Variants in HYCC1 observed in about 807,000 individuals in gnomAD.
HYCC1 encodes hyccin.
the HYCC1 span, among the ~76,000 whole-genome samples, chr7:23,002,177 C>CACAATTATATATATATAT: frequency 0.014 from 953 of 66,940 alleles, 30 homozygotes; most frequent in African/African-American, 0.041. Context: ...TATATATATA[C>CACAATTATATATATATAT]ATATAGTTTG....
chr7:22,989,298 ACACACACACACACAC>A, the HYCC1 span, among the ~76,000 whole-genome samples: 1 of 31,804 alleles, frequency 3.1e-5, no homozygotes, highest in African/African-American at 7.2e-5. Context: ...ACACACACAC[ACACACACACACACAC>A]ACACACACAC....
chr7:22,924,324 G>A, the HYCC1 span, among the ~76,000 whole-genome samples: 43 of 152,216 alleles, frequency 2.8e-4, no homozygotes, highest in African/African-American at 7.0e-4. Context: ...GGGGAGTGCC[G>A]GACAGTGGGT....
At chr7:22,989,641 A>T in the HYCC1 span, among the ~76,000 whole-genome samples, 47 of 152,224 alleles carry the variant, frequency 3.1e-4, no homozygotes, top group South Asian at 2.5e-3. Flanking sequence ...TACAGGCATA[A>T]GCCACCTCAT....
the HYCC1 span, among the ~76,000 whole-genome samples, chr7:22,931,255 GAAAAAAA>G: frequency 9.6e-6 from 1 of 103,816 alleles, no homozygotes; most frequent in Non-Finnish European, 2.0e-5. Flanking sequence ...CAAAAAAAAA[GAAAAAAA>G]AAAAAAAAAA....
the HYCC1 span, among the ~76,000 whole-genome samples, chr7:22,923,867 A>G: frequency 1.3e-5 from 2 of 152,044 alleles, no homozygotes; most frequent in Non-Finnish European, 2.9e-5. Flanking sequence ...ATTTAAAAAG[A>G]AATAGAAGGC....
At chr7:22,987,569 C>T in the HYCC1 span, among the ~76,000 whole-genome samples, 5 of 152,046 alleles carry the variant, frequency 3.3e-5, no homozygotes, top group East Asian at 3.9e-4. Flanking sequence ...AAAGAAAATA[C>T]TAATGAGAGT....
At chr7:22,928,443 T>C in the HYCC1 span, among the ~76,000 whole-genome samples, 1 of 152,190 alleles carries the variant, frequency 6.6e-6, no homozygotes, top group Non-Finnish European at 1.5e-5. Context: ...AACCCCATAG[T>C]CTCAGCCCAA....
At chr7:22,930,453 A>C in the HYCC1 span, among the ~76,000 whole-genome samples, 1 of 151,872 alleles carries the variant, frequency 6.6e-6, no homozygotes, top group Non-Finnish European at 1.5e-5. Context: ...CTATAAAAGT[A>C]AAGAGATAAA....
the HYCC1 span, among the ~76,000 whole-genome samples, chr7:22,973,224 T>TA: frequency 6.6e-6 from 1 of 152,326 alleles, no homozygotes; most frequent in African/African-American, 2.4e-5. Flanking sequence ...ATTTCTAACT[T>TA]ACTTATCACC....
At chr7:22,898,595 TTTTCTTTTC>T in the HYCC1 span, among the ~76,000 whole-genome samples, 66 of 101,916 alleles carry the variant, frequency 6.5e-4, no homozygotes, top group East Asian at 3.5e-3. Context: ...TTTTCTTTTC[TTTTCTTTTC>T]TTTTTTTTTT....
the HYCC1 span, chr7:22,945,661 AG>A: frequency 1.9e-6 from 3 of 1,613,832 alleles, no homozygotes; most frequent in African/African-American, 2.7e-5. Context: ...TTGGAAGTTC[AG>A]TTCTTTCTGA....
At chr7:22,945,585 C>T in the HYCC1 span, 1 of 1,588,556 alleles carries the variant, frequency 6.3e-7, no homozygotes, top group Non-Finnish European at 8.6e-7. Flanking sequence ...AAATATGTTA[C>T]TAATTAATCT....
At chr7:22,946,408 C>T in the HYCC1 span, among the ~76,000 whole-genome samples, 1 of 151,822 alleles carries the variant, frequency 6.6e-6, no homozygotes. Flanking sequence ...AAACCATACC[C>T]CATTAAGTTT....
the HYCC1 span, among the ~76,000 whole-genome samples, chr7:22,997,173 A>G: frequency 0.098 from 14,839 of 152,146 alleles, 763 homozygotes; most frequent in African/African-American, 0.12. Flanking sequence ...ATTAATAACA[A>G]TTACCAAAAT....
At chr7:22,933,453 T>G in the HYCC1 span, among the ~76,000 whole-genome samples, 1 of 152,240 alleles carries the variant, frequency 6.6e-6, no homozygotes, top group Non-Finnish European at 1.5e-5. Flanking sequence ...TGTTTTGATT[T>G]AAAGTCTAAT....
At chr7:22,959,534 A>C in the HYCC1 span, among the ~76,000 whole-genome samples, 1 of 152,166 alleles carries the variant, frequency 6.6e-6, no homozygotes, top group East Asian at 1.9e-4. Context: ...GGAAGGTGAT[A>C]ATTTCCTTCT....
At chr7:22,945,696 G>C in the HYCC1 span, 1 of 1,613,736 alleles carries the variant, frequency 6.2e-7, no homozygotes, top group Non-Finnish European at 8.5e-7. Flanking sequence ...TTTTCTTCTT[G>C]GAGACTACAA....
chr7:22,980,228 C>G, the HYCC1 span, among the ~76,000 whole-genome samples: 13 of 150,842 alleles, frequency 8.6e-5, no homozygotes, highest in Non-Finnish European at 1.9e-4. Flanking sequence ...AGCAAAGGAG[C>G]ATTAGAACCT....
the HYCC1 span, among the ~76,000 whole-genome samples, chr7:23,013,683 G>A: frequency 8.1e-3 from 1 of 124 alleles, no homozygotes. Context: ...GCCCAACTTC[G>A]GGGCGAGCAG....
Sources: gnomAD v4.1 joint callset for allele counts (sites outside exome capture counted in the v4.1 genomes callset) on GRCh38, gnomAD v4.1.1 for gene constraint, MANE v1.5 for transcripts, NCBI Gene and HGNC (gene_info 2026-07-23, HGNC 2026-07-21) for gene names.